The following EDA2R variants were observed in gnomAD, a reference collection of about 807,000 sequenced individuals.
The protein encoded by EDA2R is tumor necrosis factor receptor superfamily member 27.
In EDA2R, 26 loss-of-function variants were observed where a neutral mutation model predicts 20.1. The ratio of observed to expected loss-of-function variants is 1.30; its 90% CI spans 0.95 to 1.80. The LOEUF (loss-of-function observed/expected upper bound fraction) is 1.80. EDA2R is among the 40% of genes most tolerant of loss of function. The pLI, the probability that EDA2R is intolerant of heterozygous loss-of-function variation, is 0.00. For missense variants in EDA2R, 277 were observed against 228.7 expected, an observed-to-expected ratio of 1.21 and a Z score of -1.36; for synonymous variants, 114 against 88.7, an observed-to-expected ratio of 1.29 and a Z score of -1.60.
chrX:66,602,925 TGG>T lies in EDA2R; in HGVS notation c.353-130_353-129del, dbSNP rs1387471822. ...CCTTCCCCAATTAGGGTGGCTATGC[TGG>T]TTTTACTTCTTTCTAGAGCAGGCAA... On this transcript the variant is annotated intron_variant, in intron 4 of 6. Transcript: ENST00000374719. The T allele has an allele frequency of 6.9e-6, 4 of 581,911 alleles. No homozygotes were observed. The Admixed American group carries it at 1.9e-4, about 27-fold the overall frequency. 48.0% of individuals were successfully genotyped at this position (581,911 alleles called of 1,213,427 possible).
Position 66,599,555 on chromosome X carries a change from C to A in EDA2R, c.823G>T (p.Gly275Trp), listed in dbSNP as rs201070562. Residue 275 changes from glycine (G) to tryptophan (W), a missense_variant, in exon 6 of 7, where the codon GGG becomes TGG. Physicochemically the swap from Gly to Trp is radical, Grantham distance 184 (BLOSUM62 -2). Coordinates refer to ENST00000374719, the MANE Select transcript of EDA2R (RefSeq NM_021783.5). ...SASYTGAETL[G>W]GNTVESTGDR... The stretch of plus-strand genomic sequence containing the variant: ...CCAGTGCTTTCGACTGTGTTTCCCC[C>A]CAAGGTCTCAGCTCCAGTATAGGAG... 2.2e-4 allele frequency: 263 copies of A among 1,188,189 alleles called. No homozygotes were observed. Among genetic ancestry groups the A allele is most frequent in the Non-Finnish European group, 2.9e-4 (255 of 883,543 alleles).
At chrX:66,609,135 G>T (rs541378629) in intron 2 of EDA2R, among the ~76,000 whole-genome samples, 1 of 111,805 alleles carries the variant, frequency 8.9e-6, no homozygotes, top group African/African-American at 3.2e-5. Flanking sequence ...AAAACACAGA[G>T]CTCCCATAAG....
chrX:66,636,202 GA>G (rs1164882822), intron 1 of EDA2R, among the ~76,000 whole-genome samples: 1 of 111,586 alleles, frequency 9.0e-6, no homozygotes, highest in Non-Finnish European at 1.9e-5. Flanking sequence ...TTCCTGACCA[GA>G]AAAAAATAAT....
At position 66,602,729 on chromosome X, in the gene EDA2R, C is replaced by T. The variant is rs763888781; in HGVS notation, c.421G>A (p.Ala141Thr). The change falls in exon 5 of 7, where the codon GCA (alanine) becomes ACA (threonine). Residue 141 changes from alanine (A) to threonine (T), a missense_variant. By Grantham distance (58) the Ala-to-Thr change is moderately conservative. Transcript: ENST00000374719. ...ACCACTAGCAGGCTGCTCACCAGTG[C>T]AACAAGTGTGGCCTCCTGAGGGGGC... ...TVPPQEATLV[A>T]LVSSLLVVFT... is the part of the protein sequence containing the mutation. 2 of 1,197,807 alleles carry T rather than the reference C, an allele frequency of 1.7e-6. No individual in the cohort carries two copies. Among genetic ancestry groups the T allele is most frequent in the Non-Finnish European group, 2.3e-6 (2 of 888,829 alleles).
chrX:66,629,797 A>T (rs1156638982), intron 1 of EDA2R, among the ~76,000 whole-genome samples: 1 of 111,147 alleles, frequency 9.0e-6, no homozygotes, highest in Non-Finnish European at 1.9e-5. Flanking sequence ...CACAATTCAC[A>T]TCAAAATACC....
intron 1 of EDA2R, among the ~76,000 whole-genome samples, chrX:66,616,481 A>T (rs960590146): frequency 8.0e-5 from 8 of 99,547 alleles, no homozygotes; most frequent in African/African-American, 2.6e-4. Flanking sequence ...ATCTATTATT[A>T]TTTGATCTAC....
rs1005728735 is a variant in EDA2R, at chrX:66,596,344, C to G, written c.*1760G>C. The G allele has an allele frequency of 9.0e-6, 1 of 110,886 alleles. No individual in the cohort carries two copies. Among genetic ancestry groups the G allele is most frequent in the Admixed American group, 9.6e-5 (1 of 10,424 alleles). The allele number at this position is 110,886 out of a possible 1,213,427, so 9.1% of individuals were successfully genotyped here. On this transcript the variant is annotated 3_prime_UTR_variant, in exon 7 of 7. Coordinates refer to ENST00000374719, the MANE Select transcript of EDA2R (RefSeq NM_021783.5). The stretch of plus-strand genomic sequence containing the variant: ...AACAGAAATTATAAAGACGAAAATC[C>G]TTCACTTCACCTTTACCCGAAATAC...
chrX:66,600,717 A>G (rs1223803451), intron 5 of EDA2R, among the ~76,000 whole-genome samples: 2 of 111,740 alleles, frequency 1.8e-5, no homozygotes, highest in Non-Finnish European at 3.8e-5. Flanking sequence ...TCATGCATGG[A>G]TCTGGTTCAA....
In EDA2R at chrX:66,599,661, G is replaced by A. The variant is rs761044790; in HGVS notation, c.717C>T (p.Cys239=). 1.7e-6 allele frequency: 2 copies of A among 1,205,764 alleles called. No homozygotes were observed. Among genetic ancestry groups the A allele is most frequent in the Non-Finnish European group, 1.1e-6 (1 of 893,455 alleles). The part of the protein sequence containing the change: ...PTQESFTMAS[C]TSESHSHWVH... ...CCCAGTGGGAGTGGCTCTCTGAGGT[G>A]CAGGAGGCCATGGTAAAGGACTCCT... Residue 239 remains cysteine (C), a synonymous_variant, in exon 6 of 7, where the codon TGC becomes TGT. Coordinates refer to ENST00000374719, the MANE Select transcript of EDA2R (RefSeq NM_021783.5).
intron 5 of EDA2R, among the ~76,000 whole-genome samples, chrX:66,600,992 C>T (rs1032699927): frequency 1.8e-5 from 2 of 112,175 alleles, no homozygotes; most frequent in Admixed American, 9.4e-5. Context: ...ACTTTTCTCT[C>T]TTGCAACCTT....
chrX:66,597,502 C>A lies in EDA2R; in HGVS notation c.*602G>T, dbSNP rs1927663212. The stretch of plus-strand genomic sequence containing the variant: ...AGAACCTCAAATACAGGGTGAGGCC[C>A]CAGGGATCTAGAGGGAAAGTGTTTG... On this transcript the variant is annotated 3_prime_UTR_variant, in exon 7 of 7. Transcript: ENST00000374719. 1 of 111,878 alleles carries A rather than the reference C, an allele frequency of 8.9e-6. No individual in the cohort carries two copies. Among genetic ancestry groups the A allele is most frequent in the Admixed American group, 9.5e-5 (1 of 10,579 alleles). 9.2% of individuals were successfully genotyped at this position (111,878 alleles called of 1,213,427 possible).
chrX:66,599,853 C>T lies in EDA2R; in HGVS notation c.525G>A (p.Leu175=), dbSNP rs138346646. The change falls in exon 6 of 7, where the codon TTG becomes TTA. Residue 175 remains leucine, a synonymous_variant. Transcript: ENST00000374719. ...FFNRHCQRGG[L]LQFEADKTAK... is the part of the protein sequence containing the mutation. The stretch of plus-strand genomic sequence containing the variant: ...CTGTTTTATCAGCCTCAAACTGCAG[C>T]AAACCTCCTGCAACTCGAAGCAGAA... 1 of 1,201,843 alleles carries T rather than the reference C, an allele frequency of 8.3e-7. No individual in the cohort carries two copies. The highest frequency in any genetic ancestry group is 1.1e-6 in the Non-Finnish European group (1 of 891,594).
chrX:66,621,142 T>C (rs1932551606), intron 1 of EDA2R, among the ~76,000 whole-genome samples: 1 of 110,154 alleles, frequency 9.1e-6, no homozygotes, highest in Admixed American at 9.7e-5. Context: ...CCGGGGATGG[T>C]GGCAGGCACC....
chrX:66,608,084 A>G (rs1930023768), intron 2 of EDA2R, among the ~76,000 whole-genome samples: 1 of 112,126 alleles, frequency 8.9e-6, no homozygotes, highest in Admixed American at 9.5e-5. Context: ...AAATGAAATG[A>G]AAACTTCACT....
At chrX:66,607,356 G>T (rs779352502) in intron 2 of EDA2R, among the ~76,000 whole-genome samples, 1 of 111,994 alleles carries the variant, frequency 8.9e-6, no homozygotes, top group Non-Finnish European at 1.9e-5. Flanking sequence ...TTTCAATGGC[G>T]ATACATGACA....
At position 66,605,130 on chromosome X, in the gene EDA2R, T is replaced by C; in HGVS notation, c.184A>G (p.Ile62Val). ...ACACGATTGATGACAGCACAGGTGA[T>C]GCAACTCTGACATCTGTGGTGGCCC... ...SWGHHRCQSC[I>V]TCAVINRVQK... The change falls in exon 3 of 7, where the codon ATC becomes GTC. Residue 62 changes from isoleucine (I) to valine (V), a missense_variant. Transcript: ENST00000374719. The C allele has an allele frequency of 8.3e-7, 1 of 1,209,823 alleles. No homozygotes were observed. Among genetic ancestry groups the C allele is most frequent in the Non-Finnish European group, 1.1e-6 (1 of 894,535 alleles).
In EDA2R at chrX:66,618,994, G is replaced by A. The variant is rs142135926; in HGVS notation, c.-10-2964C>T. ...TACATATTAAGGGACCAAGTATAGG[G>A]CTTGATACATATGAGACGTTTGGTA... On this transcript the variant is annotated intron_variant, in intron 1 of 6. Coordinates refer to ENST00000374719, the MANE Select transcript of EDA2R (RefSeq NM_021783.5). Among the ~76,000 whole-genome samples, 1,017 of 112,100 alleles carry A rather than the reference G, an allele frequency of 9.1e-3. 13 individuals carry two copies. The highest frequency in any genetic ancestry group is 0.031 in the African/African-American group (967 of 30,885).
At chrX:66,636,768 A>G (rs1274484007) in intron 1 of EDA2R, among the ~76,000 whole-genome samples, 1 of 111,145 alleles carries the variant, frequency 9.0e-6, no homozygotes, top group Admixed American at 9.6e-5. Context: ...AATCCTCCCA[A>G]TAACACCATG....
chrX:66,602,507 A>C (rs750905785), intron 5 of EDA2R, 126 bp downstream of exon 5: 1 of 763,484 alleles, frequency 1.3e-6, no homozygotes, highest in Admixed American at 4.2e-5. Context: ...CCAACAGAAG[A>C]CTATTCATGG....
Sources: allele counts gnomAD v4.1 joint callset (sites outside exome capture counted in the v4.1 genomes callset), GRCh38; gene constraint gnomAD v4.1.1; transcripts MANE v1.5; gene names NCBI Gene and HGNC (gene_info 2026-07-23, HGNC 2026-07-21).